Variants in KHDRBS3 observed in about 807,000 individuals in gnomAD.
KHDRBS3 encodes the protein KH RNA binding domain containing, signal transduction associated 3.
Under a neutral mutation model 45.6 loss-of-function variants are expected in KHDRBS3, and 23 were observed. The ratio of observed to expected loss-of-function variants is 0.50; its 90% confidence interval spans 0.36 to 0.72. The LOEUF is 0.72. KHDRBS3 is among the 30% of genes least tolerant of loss of function. The pLI is 0.00. For missense variants in KHDRBS3, 352 were observed against 424.8 expected (o/e 0.83, Z 1.51); for synonymous variants, 162 against 156.5 (o/e 1.04, Z -0.26).
At chr8:135,609,991 A>G (rs760036402) in intron 7 of KHDRBS3, among the ~76,000 whole-genome samples, 1 of 151,958 alleles carries the variant, frequency 6.6e-6, no homozygotes, top group Non-Finnish European at 1.5e-5. Flanking sequence ...TATACAATAA[A>G]TAGAGTTTCC....
chr8:135,633,227 C>G, intron 7 of KHDRBS3, among the ~76,000 whole-genome samples: 1 of 152,078 alleles, frequency 6.6e-6, no homozygotes. Flanking sequence ...ATATGATTGT[C>G]TCATATTATT....
chr8:135,502,871 G>C (rs767828149), intron 1 of KHDRBS3, among the ~76,000 whole-genome samples: 6 of 152,116 alleles, frequency 3.9e-5, no homozygotes, highest in Non-Finnish European at 8.8e-5. Flanking sequence ...GTGTATTCTA[G>C]ATGTATTCTG....
chr8:135,478,273 T>G (rs1030604708), intron 1 of KHDRBS3, among the ~76,000 whole-genome samples: 1 of 152,168 alleles, frequency 6.6e-6, no homozygotes, highest in Non-Finnish European at 1.5e-5. Flanking sequence ...AATAAATACA[T>G]TTTTGTTACT....
At chr8:135,636,964 A>T (rs1220990270) in intron 7 of KHDRBS3, among the ~76,000 whole-genome samples, 2 of 152,268 alleles carry the variant, frequency 1.3e-5, no homozygotes, top group East Asian at 1.9e-4. Context: ...CAGTAGTCGT[A>T]GCAGTGGCAT....
intron 5 of KHDRBS3, among the ~76,000 whole-genome samples, chr8:135,576,959 C>T (rs957308796): frequency 6.6e-6 from 1 of 152,196 alleles, no homozygotes; most frequent in Non-Finnish European, 1.5e-5. Context: ...TATTACTCCA[C>T]TCCACCGTGA....
At chr8:135,651,469 G>C (rs147003035), downstream of KHDRBS3, among the ~76,000 whole-genome samples, 1 of 152,170 alleles carries the variant, frequency 6.6e-6, no homozygotes, top group Non-Finnish European at 1.5e-5. Context: ...AGGTATATTA[G>C]ATAATTAGAG....
intron 1 of KHDRBS3, among the ~76,000 whole-genome samples, chr8:135,483,405 C>G (rs2130343388): frequency 6.6e-6 from 1 of 152,258 alleles, no homozygotes; most frequent in East Asian, 1.9e-4. Context: ...TTTGTAACTG[C>G]CCATGCTGGC....
intron 2 of KHDRBS3, among the ~76,000 whole-genome samples, chr8:135,531,581 G>A (rs997816828): frequency 2.0e-5 from 3 of 151,802 alleles, no homozygotes; most frequent in African/African-American, 4.8e-5. Context: ...ATCTAATAGG[G>A]GAAAGGATAA....
intron 7 of KHDRBS3, among the ~76,000 whole-genome samples, chr8:135,607,897 A>T (rs1829536797): frequency 6.6e-6 from 1 of 152,066 alleles, no homozygotes; most frequent in Non-Finnish European, 1.5e-5. Context: ...ATAGGGATAT[A>T]AAAAAAACTC....
chr8:135,563,407 G>A (rs983014136), intron 5 of KHDRBS3, among the ~76,000 whole-genome samples: 3 of 152,194 alleles, frequency 2.0e-5, no homozygotes, highest in Non-Finnish European at 4.4e-5. Flanking sequence ...CAGCATACAC[G>A]GTCAGAGAAG....
At chr8:135,623,191 C>T (rs1000190229) in intron 7 of KHDRBS3, among the ~76,000 whole-genome samples, 3 of 152,200 alleles carry the variant, frequency 2.0e-5, no homozygotes, top group African/African-American at 7.2e-5. Context: ...TGTAAGTCAT[C>T]CTTTGCCAGA....
At chr8:135,596,732 A>G (rs1056399830) in intron 6 of KHDRBS3, among the ~76,000 whole-genome samples, 3 of 152,242 alleles carry the variant, frequency 2.0e-5, no homozygotes, top group Non-Finnish European at 4.4e-5. Flanking sequence ...ACTGGAATGT[A>G]TAGAAAAATA....
At chr8:135,564,206 A>G (rs1276020850) in intron 5 of KHDRBS3, among the ~76,000 whole-genome samples, 1 of 152,158 alleles carries the variant, frequency 6.6e-6, no homozygotes, top group Non-Finnish European at 1.5e-5. Flanking sequence ...GATTTTCATG[A>G]TGTCACATCT....
At chr8:135,481,792 A>G (rs993671256) in intron 1 of KHDRBS3, among the ~76,000 whole-genome samples, 1 of 152,148 alleles carries the variant, frequency 6.6e-6, no homozygotes, top group Non-Finnish European at 1.5e-5. Context: ...GGCCTTCTAA[A>G]TCATATTTTG....
At chr8:135,543,033 TATTAAA>T (rs1826120813) in intron 3 of KHDRBS3, among the ~76,000 whole-genome samples, 1 of 152,196 alleles carries the variant, frequency 6.6e-6, no homozygotes, top group Non-Finnish European at 1.5e-5. Flanking sequence ...AGTAAAGTAA[TATTAAA>T]ATTATCATGA....
intron 5 of KHDRBS3, among the ~76,000 whole-genome samples, chr8:135,563,305 A>G (rs1827252822): frequency 6.6e-6 from 1 of 152,156 alleles, no homozygotes; most frequent in South Asian, 2.1e-4. Flanking sequence ...GACGAAGCTC[A>G]TTTCTTTCCC....
At chr8:135,493,993 A>G (rs1823286989) in intron 1 of KHDRBS3, among the ~76,000 whole-genome samples, 1 of 152,172 alleles carries the variant, frequency 6.6e-6, no homozygotes, top group Non-Finnish European at 1.5e-5. Flanking sequence ...TGGTAGTTTA[A>G]GGAAATAATC....
chr8:135,522,375 G>A (rs1286067585), intron 2 of KHDRBS3, among the ~76,000 whole-genome samples: 6 of 152,268 alleles, frequency 3.9e-5, no homozygotes, highest in Admixed American at 3.3e-4. Context: ...TTGATTCCAT[G>A]TCTTTGCTAT....
At position 135,534,217 on chromosome 8, in the gene KHDRBS3, G is replaced by GTT. The variant is rs34069337; in HGVS notation, c.208-8428_208-8427dup. ...CTTTATTTTACAATTCTTCTCAGGT[G>GTT]TTTTTTTTTTAACATTTTTAGATAA... is the stretch of plus-strand genomic sequence containing the variant. On this transcript the variant is annotated intron_variant, in intron 2 of 8. Coordinates refer to ENST00000355849, the MANE Select transcript of KHDRBS3 (RefSeq NM_006558.3). Among the ~76,000 whole-genome samples the GTT allele has an allele frequency of 1.1e-3, 169 of 149,902 alleles. 1 individual carries two copies. The highest frequency in any genetic ancestry group is 2.5e-3 in the South Asian group (12 of 4,782).
Sources: allele counts gnomAD v4.1 joint callset (sites outside exome capture counted in the v4.1 genomes callset), GRCh38; gene constraint gnomAD v4.1.1; transcripts MANE v1.5; gene names NCBI Gene and HGNC (gene_info 2026-07-23, HGNC 2026-07-21).